MYO5A: variants seen among roughly 807,000 people sequenced by gnomAD.
MYO5A encodes myosin VA.
In MYO5A, 98 loss-of-function variants were observed where a neutral mutation model predicts 249.7. That is an observed-to-expected ratio of 0.39 (90% CI 0.33 to 0.46). The LOEUF (loss-of-function observed/expected upper bound fraction) is 0.46. MYO5A is among the 20% of genes least tolerant of loss of function. The pLI, the probability that MYO5A is intolerant of heterozygous loss-of-function variation, is 0.98. For synonymous variants in MYO5A, 778 were observed against 810.6 expected (o/e 0.96, Z 0.68); for missense variants, 1,696 against 2,308.8 (o/e 0.73, Z 5.44).
chr15:52,408,957 A>G (rs1285883210), intron 6 of MYO5A, among the ~76,000 whole-genome samples: 1 of 152,182 alleles, frequency 6.6e-6, no homozygotes, highest in Non-Finnish European at 1.5e-5. Flanking sequence ...ACAGGAGACC[A>G]GGTGGTTCAG....
chr15:52,412,622 A>G (rs553564562), intron 5 of MYO5A, among the ~76,000 whole-genome samples: 4 of 152,254 alleles, frequency 2.6e-5, no homozygotes, highest in South Asian at 4.1e-4. Flanking sequence ...TTCTATACAT[A>G]AACAGTATCT....
chr15:52,385,364 T>C, intron 14 of MYO5A, among the ~76,000 whole-genome samples: 1 of 152,202 alleles, frequency 6.6e-6, no homozygotes, highest in East Asian at 1.9e-4. Flanking sequence ...AGATGAACTG[T>C]GCTTCCCCTT....
rs1455086863 is a variant in MYO5A at position 52,319,251 on chromosome 15, C to T, written c.5043G>A (p.Glu1681=). ...GGATGGAGTCCAGTGTGTAGGTGCC[C>T]TCATCGGCGATACTGGAGGTTCGCT... ...LRKRTSSIAD[E]GTYTLDSILR... Residue 1681 remains glutamate (E), a synonymous_variant, in exon 39 of 42, where the codon GAG becomes GAA. Transcript: ENST00000399233. 2 of 1,614,144 alleles carry T rather than the reference C, an allele frequency of 1.2e-6. No homozygotes were observed. The highest frequency in any genetic ancestry group is 1.1e-5 in the South Asian group (1 of 91,088).
intron 1 of MYO5A, among the ~76,000 whole-genome samples, chr15:52,500,865 T>C (rs17542396): frequency 0.097 from 14,744 of 152,156 alleles, 822 homozygotes; most frequent in Middle Eastern, 0.16. Context: ...CACCAAAAAA[T>C]GGATCAGGAG....
intron 1 of MYO5A, 36 bp from the exon 2 acceptor site, chr15:52,433,321 A>C: frequency 8.0e-7 from 1 of 1,244,780 alleles, no homozygotes; most frequent in Non-Finnish European, 1.2e-6. Flanking sequence ...AAACTAGCAA[A>C]TCAATTATTT....
intron 33 of MYO5A, 147 bp downstream of exon 33, chr15:52,337,663 G>A (rs2039180501): frequency 3.5e-6 from 2 of 568,148 alleles, no homozygotes; most frequent in Non-Finnish European, 6.3e-6. Context: ...GACACCACTG[G>A]CTAAAAGACA....
rs767200525 is a variant in MYO5A, at chr15:52,337,869, A to G, written c.4255T>C (p.Tyr1419His). The G allele has an allele frequency of 8.4e-6, 13 of 1,543,996 alleles. No individual in the cohort carries two copies. In the South Asian group the frequency reaches 1.4e-4, roughly 17 times the overall value. Residue 1419 changes from tyrosine to histidine, a missense_variant, in exon 33 of 42, where the codon TAT becomes CAT. Tyr to His is a moderately conservative substitution (Grantham distance 83). This residue lies in a region of MYO5A where 625 missense variants were observed against 908.1 expected (regional missense o/e 0.69). Coordinates refer to ENST00000399233, the MANE Select transcript of MYO5A (RefSeq NM_001382347.1). ...TGATACTTCTTAGGGTCATCTGCATATAATTCCTCAAAATACTGAAAAAAC... is the reference window on the plus strand; with the variant it reads ...TGATACTTCTTAGGGTCATCTGCATGTAATTCCTCAAAATACTGAAAAAAC... ...TNENLYFEEL[Y>H]ADDPKKYQSY...
At position 52,478,965 on chromosome 15, in the gene MYO5A, G is replaced by A. The variant is rs192221525; in HGVS notation, c.28-45680C>T. ...CTCTCAACTGTGAACAGTGCCATGT[G>A]CAGTCTATGTCTGTGTAAGTTTTTA... is the stretch of plus-strand genomic sequence containing the variant. On this transcript the variant is annotated intron_variant, in intron 1 of 41. Transcript: ENST00000399233. Among the ~76,000 whole-genome samples the A allele has an allele frequency of 7.9e-5, 12 of 152,112 alleles. 1 individual carries two copies. Among genetic ancestry groups the A allele is most frequent in the Non-Finnish European group, 1.8e-4 (12 of 67,996 alleles).
rs766959444 is a variant in MYO5A, at chr15:52,392,023, T to C, written c.1449A>G (p.Pro483=). The change falls in exon 12 of 42, where the codon CCA becomes CCG. Residue 483 remains proline (P), a synonymous_variant. Coordinates refer to ENST00000399233, the MANE Select transcript of MYO5A (RefSeq NM_001382347.1). ...TATCATAAAAATCTATGAGTGTCCATGGAATTTGTTCCTTCATATATTCTT... is the reference window on the plus strand; with the variant it reads ...TATCATAAAAATCTATGAGTGTCCACGGAATTTGTTCCTTCATATATTCTT... The part of the protein sequence containing the change: ...EQEEYMKEQI[P]WTLIDFYDNQ... 3 of 1,611,950 alleles carry C rather than the reference T, an allele frequency of 1.9e-6. No homozygotes were observed. Among genetic ancestry groups the C allele is most frequent in the African/African-American group, 1.3e-5 (1 of 75,000 alleles).
chr15:52,354,135 C>G lies in MYO5A; in HGVS notation c.3424-121G>C, dbSNP rs566697917. On this transcript the variant is annotated intron_variant, in intron 25 of 41. Coordinates refer to ENST00000399233, the MANE Select transcript of MYO5A (RefSeq NM_001382347.1). ...CTTACAGAATAAGAAATACAAACAT[C>G]TAGAGAATATATTTTTAAAATGCTC... 20 of 1,152,688 alleles carry G rather than the reference C, an allele frequency of 1.7e-5. No homozygotes were observed. In the South Asian group the frequency reaches 2.8e-4, roughly 16 times the overall value. 71.4% of individuals were successfully genotyped at this position (1,152,688 alleles called of 1,614,324 possible). A position where few individuals can be genotyped will look rare whatever the true frequency, so the allele number is the denominator to read the frequency against.
At chr15:52,345,119 G>A (rs2039554139) in intron 30 of MYO5A, among the ~76,000 whole-genome samples, 1 of 152,078 alleles carries the variant, frequency 6.6e-6, no homozygotes, top group Admixed American at 6.5e-5. Context: ...ATCCACAGAC[G>A]TTCGAATCCC....
At chr15:52,407,600 A>G (rs2043064134) in intron 7 of MYO5A, among the ~76,000 whole-genome samples, 1 of 152,052 alleles carries the variant, frequency 6.6e-6, no homozygotes, top group African/African-American at 2.4e-5. Flanking sequence ...TAAAATATTT[A>G]TAGTTTATTT....
intron 1 of MYO5A, among the ~76,000 whole-genome samples, chr15:52,434,763 A>G (rs1032784084): frequency 2.6e-5 from 4 of 152,256 alleles, no homozygotes; most frequent in Non-Finnish European, 5.9e-5. Context: ...CACATACACT[A>G]AACCTAAATG....
rs2040954219 is a variant in MYO5A at position 52,368,923 on chromosome 15, A to C, written c.3066+1246T>G. The stretch of plus-strand genomic sequence containing the variant: ...TACTGTACAGATTCTGAGGAATCCG[A>C]AGCTGGAAAGCTTCCGTGGTTTGGG... On this transcript the variant is annotated intron_variant, in intron 22 of 41. Transcript: ENST00000399233. Among the ~76,000 whole-genome samples, 3 of 152,332 alleles carry C rather than the reference A, an allele frequency of 2.0e-5. 1 individual carries two copies. The South Asian group carries it at 6.2e-4, about 32-fold the overall frequency.
chr15:52,381,507 T>C (rs1369277028), intron 16 of MYO5A, among the ~76,000 whole-genome samples: 2 of 152,168 alleles, frequency 1.3e-5, no homozygotes, highest in Non-Finnish European at 1.5e-5. Context: ...TAGAGTCACA[T>C]TATCCCAATG....
At chr15:52,330,313 G>C (rs1174949660) in intron 35 of MYO5A, 40 bp downstream of exon 35, 1 of 1,613,696 alleles carries the variant, frequency 6.2e-7, no homozygotes, top group South Asian at 1.1e-5. Context: ...ATTAACCCAT[G>C]TGCCAGAAGG....
chr15:52,412,995 A>T (rs1411037030), intron 5 of MYO5A, among the ~76,000 whole-genome samples: 3 of 152,008 alleles, frequency 2.0e-5, no homozygotes, highest in Non-Finnish European at 4.4e-5. Context: ...TTAAAATACG[A>T]CAGTAGCTGA....
chr15:52,406,165 T>C (rs760675027), intron 8 of MYO5A, among the ~76,000 whole-genome samples: 1 of 152,146 alleles, frequency 6.6e-6, no homozygotes. Context: ...TACATGCAAA[T>C]AGAAGCAGTG....
At chr15:52,360,123 T>C (rs1464680061) in intron 24 of MYO5A, 42 bp from the exon 25 acceptor site, 3 of 1,339,722 alleles carry the variant, frequency 2.2e-6, no homozygotes, top group East Asian at 2.3e-5. Flanking sequence ...GCAACATAAT[T>C]AGTCTAGGCA....
Sources: allele counts gnomAD v4.1 joint callset (sites outside exome capture counted in the v4.1 genomes callset), GRCh38; gene constraint gnomAD v4.1.1; regional missense constraint gnomAD v4.1.1; transcripts MANE v1.5; gene names NCBI Gene and HGNC (gene_info 2026-07-23, HGNC 2026-07-21).